Variants in LPAR3 observed in about 807,000 individuals in gnomAD.
LPAR3 encodes LPA receptor 3.
LPAR3 carries 7 observed loss-of-function variants against 17.8 expected under a neutral mutation model. The observed-to-expected ratio is 0.39, with a 90% CI of 0.22 to 0.74. The LOEUF (loss-of-function observed/expected upper bound fraction) is 0.74. LPAR3 is among the 30% of genes least tolerant of loss of function. The pLI, the probability that LPAR3 is intolerant of heterozygous loss-of-function variation, is 0.40. For missense variants in LPAR3, 391 were observed against 453.4 expected, an observed-to-expected ratio of 0.86 and a Z score of 1.25; for synonymous variants, 179 against 179.9, an observed-to-expected ratio of 0.99 and a Z score of 0.04.
chr1:84,819,987 C>T (rs1444037124), intron 2 of LPAR3, among the ~76,000 whole-genome samples: 1 of 152,204 alleles, frequency 6.6e-6, no homozygotes, highest in African/African-American at 2.4e-5. Flanking sequence ...TTCCTGAGAA[C>T]TCTGGGTCAG....
At position 84,813,158 on chromosome 1, in the gene LPAR3, T is replaced by TATATATATAGAG. The variant is rs1206774677; in HGVS notation, c.*687_*688insCTCTATATATAT. On this transcript the variant is annotated 3_prime_UTR_variant, in exon 3 of 3. Coordinates refer to ENST00000370611, the MANE Select transcript of LPAR3 (RefSeq NM_012152.3). ...ATATATATATATATATATATATATA[T>TATATATATAGAG]AGACACACACACACACACACACACA... is the stretch of plus-strand genomic sequence containing the variant. 2.0e-5 allele frequency: 2 copies of TATATATATAGAG among 101,680 alleles called. No individual in the cohort carries two copies. The highest frequency in any genetic ancestry group is 7.4e-5 in the African/African-American group (2 of 27,154). The allele number at this position is 101,680 out of a possible 1,614,324, so 6.3% of individuals were successfully genotyped here. A position where few individuals can be genotyped will look rare whatever the true frequency, so the allele number is the denominator to read the frequency against.
chr1:84,891,535 C>T (rs1414427418), intron 1 of LPAR3, among the ~76,000 whole-genome samples: 1 of 152,170 alleles, frequency 6.6e-6, no homozygotes, highest in East Asian at 1.9e-4. Flanking sequence ...AACCGTATCA[C>T]TTCTGTCCCA....
At chr1:84,853,527 T>G (rs1359955522) in intron 2 of LPAR3, among the ~76,000 whole-genome samples, 1 of 152,162 alleles carries the variant, frequency 6.6e-6, no homozygotes, top group Non-Finnish European at 1.5e-5. Context: ...TCTTCCTGCT[T>G]CTTCTCTCTC....
intron 2 of LPAR3, among the ~76,000 whole-genome samples, chr1:84,815,814 CA>C (rs1156868901): frequency 6.6e-6 from 1 of 152,130 alleles, no homozygotes; most frequent in East Asian, 1.9e-4. Context: ...TCTGTTTCCA[CA>C]AAAAATATCT....
At chr1:84,860,022 G>GT (rs1283006255) in intron 2 of LPAR3, among the ~76,000 whole-genome samples, 2 of 152,180 alleles carry the variant, frequency 1.3e-5, no homozygotes, top group African/African-American at 4.8e-5. Flanking sequence ...AAGCAGGATC[G>GT]TATGTCTCCG....
intron 1 of LPAR3, among the ~76,000 whole-genome samples, chr1:84,870,678 A>G (rs779411615): frequency 2.2e-4 from 33 of 152,282 alleles, no homozygotes; most frequent in Middle Eastern, 3.4e-3. Context: ...CCTCCCAACA[A>G]TGATGTAGAT....
chr1:84,867,172 T>C (rs1219684012), intron 1 of LPAR3, among the ~76,000 whole-genome samples: 1 of 152,216 alleles, frequency 6.6e-6, no homozygotes, highest in Non-Finnish European at 1.5e-5. Context: ...AAGGAAGGGC[T>C]GGGCAGAAGC....
At chr1:84,873,104 G>C (rs998722714) in intron 1 of LPAR3, among the ~76,000 whole-genome samples, 36 of 152,160 alleles carry the variant, frequency 2.4e-4, no homozygotes, top group African/African-American at 8.7e-4. Flanking sequence ...GCCAAGAGGA[G>C]CCTAAGGAGA....
rs75625555 is a variant in LPAR3, at chr1:84,821,157, T to A, written c.737-6986A>T. Among the ~76,000 whole-genome samples, 42 of 152,054 alleles carry A rather than the reference T, an allele frequency of 2.8e-4. No individual in the cohort carries two copies. In the South Asian group the frequency reaches 8.5e-3, roughly 31 times the overall value. The stretch of plus-strand genomic sequence containing the variant: ...GTTTTCAAACCATTTCTTTTTTTTT[T>A]AAGTAGAGGAATACTTTTCCCAAAG... On this transcript the variant is annotated intron_variant, in intron 2 of 2. Coordinates refer to ENST00000370611, the MANE Select transcript of LPAR3 (RefSeq NM_012152.3).
intron 2 of LPAR3, among the ~76,000 whole-genome samples, chr1:84,820,123 G>T (rs1659026997): frequency 6.6e-6 from 1 of 152,138 alleles, no homozygotes; most frequent in Admixed American, 6.5e-5. Flanking sequence ...TCAACAGTTT[G>T]TCCTAGGTGC....
chr1:84,843,485 T>A (rs931487597), intron 2 of LPAR3, among the ~76,000 whole-genome samples: 55 of 152,204 alleles, frequency 3.6e-4, no homozygotes, highest in Non-Finnish European at 7.4e-4. Context: ...GTCATGAAAG[T>A]GTGTTGGTCT....
intron 2 of LPAR3, among the ~76,000 whole-genome samples, chr1:84,861,931 C>T (rs1659949273): frequency 6.6e-6 from 1 of 152,172 alleles, no homozygotes; most frequent in African/African-American, 2.4e-5. Flanking sequence ...TAACCCCTTC[C>T]GTAACTGTTG....
chr1:84,890,994 A>G (rs1156371423), intron 1 of LPAR3, among the ~76,000 whole-genome samples: 1 of 152,112 alleles, frequency 6.6e-6, no homozygotes. Context: ...TGAGATGGAG[A>G]GTTAACATGC....
chr1:84,877,351 T>G (rs1029247686), intron 1 of LPAR3, among the ~76,000 whole-genome samples: 1 of 152,200 alleles, frequency 6.6e-6, no homozygotes, highest in Non-Finnish European at 1.5e-5. Flanking sequence ...GGGTAAGTGT[T>G]GCTCTCAGAA....
chr1:84,847,955 T>C lies in LPAR3; in HGVS notation c.736+17430A>G, dbSNP rs1194944500. Among the ~76,000 whole-genome samples the C allele has an allele frequency of 2.0e-5, 3 of 152,314 alleles. No individual in the cohort carries two copies. The East Asian group carries it at 5.8e-4, about 29-fold the overall frequency. Reference sequence around the variant, plus strand: ...CTTCCTTGTTGGCTCCTGGGCACTATTCTAGGGCCCAGGTTTTTGTGGGAA... The same window carrying C: ...CTTCCTTGTTGGCTCCTGGGCACTACTCTAGGGCCCAGGTTTTTGTGGGAA... On this transcript the variant is annotated intron_variant, in intron 2 of 2. Coordinates refer to ENST00000370611, the MANE Select transcript of LPAR3 (RefSeq NM_012152.3).
chr1:84,864,748 A>C (rs1021361723), intron 2 of LPAR3, among the ~76,000 whole-genome samples: 5 of 152,044 alleles, frequency 3.3e-5, no homozygotes, highest in Admixed American at 6.6e-5. Flanking sequence ...GCACCACTGC[A>C]CTCCAGCCTG....
chr1:84,835,649 A>G (rs1039949107), intron 2 of LPAR3, among the ~76,000 whole-genome samples: 1 of 152,198 alleles, frequency 6.6e-6, no homozygotes, highest in Non-Finnish European at 1.5e-5. Flanking sequence ...TTTTTAAAAT[A>G]TCTTCTACAA....
chr1:84,866,075 T>C lies in LPAR3; in HGVS notation c.46A>G (p.Arg16Gly), dbSNP rs1474614304. The C allele has an allele frequency of 1.2e-5, 19 of 1,602,806 alleles. No homozygotes were observed. The highest frequency in any genetic ancestry group is 2.7e-5 in the African/African-American group (2 of 73,952). The stretch of plus-strand genomic sequence containing the variant: ...TCATCGACAGTATCAGTGTTGCTCC[T>C]ATTATAAAAAAAGTCCATGTGCTTG... ...YDKHMDFFYN[R>G]SNTDTVDDWT... Residue 16 changes from arginine to glycine, a missense_variant, in exon 2 of 3, where the codon AGG (arginine) becomes GGG (glycine). Physicochemically the swap from Arg to Gly is moderately radical, Grantham distance 125. Transcript: ENST00000370611.
At position 84,865,629 on chromosome 1, in the gene LPAR3, T is replaced by A. The variant is rs377383523; in HGVS notation, c.492A>T (p.Thr164=). 28 of 1,614,132 alleles carry A rather than the reference T, an allele frequency of 1.7e-5. No homozygotes were observed. In the South Asian group the frequency reaches 2.7e-4, roughly 16 times the overall value. The change falls in exon 2 of 3, where the codon ACA becomes ACT. Residue 164 remains threonine (T), a synonymous_variant. Coordinates refer to ENST00000370611, the MANE Select transcript of LPAR3 (RefSeq NM_012152.3). ...AIAIFMGAVP[T]LGWNCLCNIS... is the part of the protein sequence containing the mutation. ...TGTTGCAGAGGCAATTCCAGCCCAG[T>A]GTGGGGACCGCCCCCATAAAAATGG...
Sources: allele counts gnomAD v4.1 joint callset (sites outside exome capture counted in the v4.1 genomes callset), GRCh38; gene constraint gnomAD v4.1.1; transcripts MANE v1.5; gene names NCBI Gene and HGNC (gene_info 2026-07-23, HGNC 2026-07-21).